CDKN2AIPNL: variants seen among roughly 807,000 people sequenced by gnomAD.
CDKN2AIPNL encodes the protein CDKN2AIP N-terminal-like protein.
In CDKN2AIPNL, 9 loss-of-function variants were observed where a neutral mutation model predicts 12.9. The ratio of observed to expected loss-of-function variants is 0.70; its 90% CI spans 0.42 to 1.22. The LOEUF (loss-of-function observed/expected upper bound fraction) is 1.22. Among genes scored for constraint, CDKN2AIPNL ranks in the 50% most tolerant of loss-of-function variants. The pLI is 0.00. For synonymous variants in CDKN2AIPNL, 53 were observed against 61.7 expected (o/e 0.86, Z 0.66); for missense variants, 143 against 153.6 (o/e 0.93, Z 0.37).
At position 134,411,740 on chromosome 5, in the gene CDKN2AIPNL, C is replaced by T. The variant is rs1194809736; in HGVS notation, c.115G>A (p.Ala39Thr). Residue 39 changes from alanine (A) to threonine (T), a missense_variant, in exon 1 of 3, where the codon GCC (alanine) becomes ACC (threonine). Transcript: ENST00000458198. ...SYSESEKQWK[A>T]RMEFILRHLP... ...TGGCGCAGGATGAATTCCATGCGGG[C>T]CTTCCATTGCTTCTCGCTCTCTGAG... The T allele has an allele frequency of 1.2e-6, 2 of 1,613,050 alleles. No homozygotes were observed. The highest frequency in any genetic ancestry group is 1.7e-5 in the Admixed American group (1 of 59,954).
intron 2 of CDKN2AIPNL, 116 bp from the exon 3 acceptor site, chr5:134,403,042 G>A (rs1759051837): frequency 1.4e-6 from 1 of 727,536 alleles, no homozygotes; most frequent in African/African-American, 1.8e-5. Context: ...CAGACAGTAA[G>A]TATACTCAGA....
At chr5:134,405,509 C>T (rs1389691763) in intron 2 of CDKN2AIPNL, among the ~76,000 whole-genome samples, 2 of 151,928 alleles carry the variant, frequency 1.3e-5, no homozygotes, top group Non-Finnish European at 2.9e-5. Context: ...CTCCACCTCC[C>T]GGGTTCAAGT....
intron 2 of CDKN2AIPNL, among the ~76,000 whole-genome samples, chr5:134,407,416 G>C (rs1759121785): frequency 6.6e-6 from 1 of 152,222 alleles, no homozygotes; most frequent in Middle Eastern, 3.4e-3. Context: ...TGACTGGAAA[G>C]AGTTCAGATA....
intron 2 of CDKN2AIPNL, among the ~76,000 whole-genome samples, chr5:134,408,206 T>G (rs1224120912): frequency 6.6e-6 from 1 of 152,034 alleles, no homozygotes; most frequent in Admixed American, 6.6e-5. Flanking sequence ...TAAGGTATAC[T>G]CCAGTAGCCA....
intron 2 of CDKN2AIPNL, among the ~76,000 whole-genome samples, chr5:134,405,977 G>A (rs1351056000): frequency 6.6e-6 from 1 of 152,196 alleles, no homozygotes; most frequent in African/African-American, 2.4e-5. Flanking sequence ...CACAAAGGCT[G>A]CCAGCAGTAG....
chr5:134,411,061 T>G, intron 1 of CDKN2AIPNL: 1 of 702,576 alleles, frequency 1.4e-6, no homozygotes, highest in Non-Finnish European at 2.6e-6. Flanking sequence ...GTGAAGCTGG[T>G]TCCTACTTAG....
intron 2 of CDKN2AIPNL, among the ~76,000 whole-genome samples, chr5:134,403,717 T>C (rs1759061429): frequency 6.6e-6 from 1 of 152,164 alleles, no homozygotes; most frequent in Non-Finnish European, 1.5e-5. Context: ...CTCTGCTGCC[T>C]GGGTTCAAGC....
At chr5:134,402,987 T>C in intron 2 of CDKN2AIPNL, 61 bp from the exon 3 acceptor site, 3 of 1,445,812 alleles carry the variant, frequency 2.1e-6, no homozygotes, top group Non-Finnish European at 2.9e-6. Context: ...CAAATTCATC[T>C]TCATAAATTA....
chr5:134,407,490 C>G (rs886792322), intron 2 of CDKN2AIPNL, among the ~76,000 whole-genome samples: 1 of 151,952 alleles, frequency 6.6e-6, no homozygotes, highest in Non-Finnish European at 1.5e-5. Flanking sequence ...ATCAGAAAAC[C>G]TTGCTGGGCA....
Position 134,411,139 on chromosome 5 carries a change from T to C in CDKN2AIPNL, c.239+477A>G, listed in dbSNP as rs144226779. ...CAGATTACATCCTCTCATTAGTGAT[T>C]AAAATCCATCAATCCTGCCAGAAGC... is the stretch of plus-strand genomic sequence containing the variant. On this transcript the variant is annotated intron_variant, in intron 1 of 2. Transcript: ENST00000458198. 5.0e-5 allele frequency: 35 copies of C among 702,324 alleles called. No individual in the cohort carries two copies. In the African/African-American group the frequency reaches 6.1e-4, roughly 12 times the overall value. The allele number at this position is 702,324 out of a possible 1,614,324, so 43.5% of individuals were successfully genotyped here.
chr5:134,407,128 C>T (rs1483358043), intron 2 of CDKN2AIPNL, among the ~76,000 whole-genome samples: 1 of 152,060 alleles, frequency 6.6e-6, no homozygotes, highest in Non-Finnish European at 1.5e-5. Flanking sequence ...TAATTTCATG[C>T]CTGAGGACTC....
At chr5:134,406,987 C>G (rs10076299) in intron 2 of CDKN2AIPNL, among the ~76,000 whole-genome samples, 22,084 of 152,126 alleles carry the variant, frequency 0.15, 1,974 homozygotes, top group African/African-American at 0.24. Context: ...CTTAGAAAAA[C>G]ATAAGTTTTA....
chr5:134,409,551 C>T (rs1369986244), intron 2 of CDKN2AIPNL, among the ~76,000 whole-genome samples: 1 of 151,908 alleles, frequency 6.6e-6, no homozygotes, highest in Non-Finnish European at 1.5e-5. Context: ...GGCACTCACA[C>T]CTGGGGTAAG....
In CDKN2AIPNL at chr5:134,402,352, G is replaced by C. The variant is rs1373303692; in HGVS notation, c.*563C>G. 3 of 152,022 alleles carry C rather than the reference G, an allele frequency of 2.0e-5. No homozygotes were observed. The highest frequency in any genetic ancestry group is 6.6e-5 in the Admixed American group (1 of 15,224). The allele number at this position is 152,022 out of a possible 1,614,324, so 9.4% of individuals were successfully genotyped here. A position where few individuals can be genotyped will look rare whatever the true frequency, so the allele number is the denominator to read the frequency against. On this transcript the variant is annotated 3_prime_UTR_variant, in exon 3 of 3. Transcript: ENST00000458198. The stretch of plus-strand genomic sequence containing the variant: ...TAACCTCAGGTGATCTGCTCACCTC[G>C]GCCTCCCAAAGTGCTGGGATTATTA...
At chr5:134,410,581 A>G (rs1441396846) in intron 1 of CDKN2AIPNL, 4 of 169,872 alleles carry the variant, frequency 2.4e-5, no homozygotes, top group Admixed American at 2.2e-4. Context: ...TTTTAAATAC[A>G]TGGAATGTTA....
intron 2 of CDKN2AIPNL, among the ~76,000 whole-genome samples, chr5:134,407,383 G>A (rs1005733831): frequency 3.3e-5 from 5 of 151,926 alleles, no homozygotes; most frequent in African/African-American, 1.2e-4. Flanking sequence ...GTCATTAGGT[G>A]TTCTGATCTC....
intron 2 of CDKN2AIPNL, among the ~76,000 whole-genome samples, chr5:134,406,123 T>C (rs1032405705): frequency 4.6e-5 from 7 of 152,212 alleles, no homozygotes; most frequent in Admixed American, 1.3e-4. Flanking sequence ...TCATTTCTTT[T>C]CTCAGACTTA....
At chr5:134,405,445 C>T (rs1759089788) in intron 2 of CDKN2AIPNL, among the ~76,000 whole-genome samples, 1 of 149,138 alleles carries the variant, frequency 6.7e-6, no homozygotes. Flanking sequence ...GAGACAGAGT[C>T]TCACTCTGTC....
rs1485430280 is a variant in CDKN2AIPNL, at chr5:134,402,623, A to G, written c.*292T>C. On this transcript the variant is annotated 3_prime_UTR_variant, in exon 3 of 3. Coordinates refer to ENST00000458198, the MANE Select transcript of CDKN2AIPNL (RefSeq NM_080656.3). Reference sequence around the variant, plus strand: ...GACAGAGTGAGACCTTGTCGATAAGAAAAAAAAAAACCTGAAAACAGAAAA... The same window carrying G: ...GACAGAGTGAGACCTTGTCGATAAGGAAAAAAAAAACCTGAAAACAGAAAA... 2 of 215,950 alleles carry G rather than the reference A, an allele frequency of 9.3e-6. No individual in the cohort carries two copies. Among genetic ancestry groups the G allele is most frequent in the African/African-American group, 2.3e-5 (1 of 42,734 alleles). The allele number at this position is 215,950 out of a possible 1,614,324, so 13.4% of individuals were successfully genotyped here. A position where few individuals can be genotyped will look rare whatever the true frequency, so the allele number is the denominator to read the frequency against.
Sources: allele counts gnomAD v4.1 joint callset (sites outside exome capture counted in the v4.1 genomes callset), GRCh38; gene constraint gnomAD v4.1.1; transcripts MANE v1.5; gene names NCBI Gene and HGNC (gene_info 2026-07-23, HGNC 2026-07-21).